The following ADGRL2 variants were observed in gnomAD, a reference collection of about 807,000 sequenced individuals.
ADGRL2 encodes the protein adhesion G protein-coupled receptor L2.
In ADGRL2, 44 loss-of-function variants were observed where a neutral mutation model predicts 157.4. That is an observed-to-expected ratio of 0.28 (90% CI 0.22 to 0.36). The LOEUF is 0.36. Ranked by LOEUF, ADGRL2 falls within the 10% of genes least tolerant of loss-of-function variation. ADGRL2 has a pLI of 1.00. For synonymous variants in ADGRL2, 585 were observed against 624.7 expected, an observed-to-expected ratio of 0.94 and a Z score of 0.95; for missense variants, 1,510 against 1,768.9, an observed-to-expected ratio of 0.85 and a Z score of 2.63.
chr1:81,416,013 T>A (rs2077027405), intron 1 of ADGRL2, among the ~76,000 whole-genome samples: 1 of 151,982 alleles, frequency 6.6e-6, no homozygotes, highest in Admixed American at 6.6e-5. Flanking sequence ...GCTAATTTTT[T>A]GTATTTTTAG....
chr1:81,969,710 C>A (rs75476712), intron 15 of ADGRL2, among the ~76,000 whole-genome samples: 1 of 152,212 alleles, frequency 6.6e-6, no homozygotes, highest in East Asian at 1.9e-4. Context: ...GTCATTCTGA[C>A]CAGTGATCCT....
At chr1:81,767,854 CAAAAAAAAAAAAAAGAA>C (rs2086194741) in intron 2 of ADGRL2, among the ~76,000 whole-genome samples, 1 of 84,000 alleles carries the variant, frequency 1.2e-5, no homozygotes, top group Non-Finnish European at 2.5e-5. Context: ...GATCCTGTCT[CAAAAAAAAAAAAAAGAA>C]AAAAAAAAAA....
intron 3 of ADGRL2, among the ~76,000 whole-genome samples, chr1:81,593,164 A>G (rs2081166869): frequency 1.3e-5 from 2 of 152,254 alleles, no homozygotes. Flanking sequence ...CAGAACTAAC[A>G]TAGTCAAAGT....
intron 1 of ADGRL2, among the ~76,000 whole-genome samples, chr1:81,751,072 T>C (rs754927442): frequency 6.6e-6 from 1 of 152,104 alleles, no homozygotes; most frequent in Non-Finnish European, 1.5e-5. Context: ...TGTGCTGAAA[T>C]ACGGAAGTAT....
At chr1:81,823,679 G>C (rs759035733) in intron 1 of ADGRL2, among the ~76,000 whole-genome samples, 19 of 151,988 alleles carry the variant, frequency 1.3e-4, no homozygotes, top group Non-Finnish European at 2.6e-4. Flanking sequence ...TGGAGGTTTA[G>C]GGAACCAGTC....
intron 3 of ADGRL2, among the ~76,000 whole-genome samples, chr1:81,609,859 A>G (rs989004998): frequency 1.3e-5 from 2 of 152,200 alleles, no homozygotes; most frequent in East Asian, 1.9e-4. Context: ...TAACCAAAAT[A>G]TTTTTGACAC....
At chr1:81,313,283 CT>C (rs1659876405) in intron 1 of ADGRL2, among the ~76,000 whole-genome samples, 1 of 152,190 alleles carries the variant, frequency 6.6e-6, no homozygotes, top group Admixed American at 6.6e-5. Context: ...ATTCTTAGGT[CT>C]TCTCACAGTC....
intron 2 of ADGRL2, among the ~76,000 whole-genome samples, chr1:81,780,842 G>T (rs906688275): frequency 6.6e-6 from 1 of 151,790 alleles, no homozygotes; most frequent in African/African-American, 2.4e-5. Flanking sequence ...GGTTTACAAT[G>T]AATTGCAGGC....
At chr1:81,824,987 T>G (rs1051493736) in intron 1 of ADGRL2, among the ~76,000 whole-genome samples, 1 of 73,456 alleles carries the variant, frequency 1.4e-5, no homozygotes, top group Non-Finnish European at 2.9e-5. Flanking sequence ...CTCTCTGTCT[T>G]TCAGATTTTC....
At chr1:81,417,398 C>T (rs1557673594) in intron 1 of ADGRL2, among the ~76,000 whole-genome samples, 1 of 151,956 alleles carries the variant, frequency 6.6e-6, no homozygotes, top group African/African-American at 2.4e-5. Flanking sequence ...TTCTTTAATA[C>T]TTTATTTTAT....
upstream of ADGRL2, among the ~76,000 whole-genome samples, chr1:81,799,467 T>G (rs920056666): frequency 2.6e-5 from 4 of 152,242 alleles, no homozygotes; most frequent in Admixed American, 2.0e-4. Context: ...TCTAGTTATT[T>G]GGACACACGT....
At chr1:81,679,644 T>C (rs1292680961) in intron 3 of ADGRL2, among the ~76,000 whole-genome samples, 1 of 152,228 alleles carries the variant, frequency 6.6e-6, no homozygotes, top group Non-Finnish European at 1.5e-5. Flanking sequence ...CAACCTTTGC[T>C]ATACTAGGTT....
chr1:81,989,795 T>C, intron 23 of ADGRL2: 1 of 1,524,648 alleles, frequency 6.6e-7, no homozygotes, highest in African/African-American at 1.4e-5. Flanking sequence ...TGGCTGTCTT[T>C]GTTTAACATG....
chr1:81,428,727 A>C (rs566577217), intron 1 of ADGRL2, among the ~76,000 whole-genome samples: 1 of 152,222 alleles, frequency 6.6e-6, no homozygotes, highest in African/African-American at 2.4e-5. Flanking sequence ...CTTTTCTGCA[A>C]GTTTTTCTGC....
intron 11 of ADGRL2, 91 bp from the exon 12 acceptor site, chr1:81,965,967 C>T (rs950093627): frequency 6.2e-6 from 8 of 1,282,602 alleles, no homozygotes; most frequent in Non-Finnish European, 8.5e-6. Flanking sequence ...AAAAAGAAAA[C>T]AGTAGTTTCC....
chr1:81,705,693 G>A (rs1413736530), intron 1 of ADGRL2, among the ~76,000 whole-genome samples: 13 of 151,936 alleles, frequency 8.6e-5, no homozygotes, highest in African/African-American at 2.9e-4. Flanking sequence ...GCAATGGGAG[G>A]ATCGCTTGAG....
intron 2 of ADGRL2, among the ~76,000 whole-genome samples, chr1:81,496,442 T>C (rs2078731529): frequency 6.6e-6 from 1 of 152,188 alleles, no homozygotes; most frequent in Non-Finnish European, 1.5e-5. Context: ...TTCTGATGTC[T>C]TAACAGCCTG....
chr1:81,366,707 C>T (rs559562693), intron 1 of ADGRL2, among the ~76,000 whole-genome samples: 13 of 152,214 alleles, frequency 8.5e-5, no homozygotes, highest in African/African-American at 2.9e-4. Context: ...TATGAAATGC[C>T]TCCATATTTC....
chr1:81,499,868 T>C (rs1266577647), intron 2 of ADGRL2, among the ~76,000 whole-genome samples: 1 of 152,178 alleles, frequency 6.6e-6, no homozygotes, highest in Admixed American at 6.5e-5. Flanking sequence ...AAGAGAATGA[T>C]AGTGATACAT....
Sources: allele counts gnomAD v4.1 joint callset (sites outside exome capture counted in the v4.1 genomes callset), GRCh38; gene constraint gnomAD v4.1.1; transcripts MANE v1.5; gene names NCBI Gene and HGNC (gene_info 2026-07-23, HGNC 2026-07-21).